The following MYOCD variants were observed in gnomAD, a reference collection of about 807,000 sequenced individuals.
MYOCD encodes the protein myocardin.
MYOCD carries 32 observed loss-of-function variants against 96.1 expected under a neutral mutation model. That is an observed-to-expected ratio of 0.33 (90% CI 0.25 to 0.45). MYOCD has a LOEUF of 0.45. Ranked by LOEUF, MYOCD falls within the 20% of genes least tolerant of loss-of-function variation. The pLI is 1.00. For missense variants in MYOCD, 1,133 were observed against 1,200.6 expected, an observed-to-expected ratio of 0.94 and a Z score of 0.83; for synonymous variants, 469 against 469.0, an observed-to-expected ratio of 1.00 and a Z score of 0.00.
chr17:12,757,959 C>A (rs76515510), intron 11 of MYOCD, 126 bp from the exon 12 acceptor site: 1 of 719,878 alleles, frequency 1.4e-6, no homozygotes, highest in Non-Finnish European at 2.4e-6. Flanking sequence ...ATTTTCTAAG[C>A]CCTGGACTTT....
At chr17:12,697,950 A>C (rs2150665336) in intron 1 of MYOCD, among the ~76,000 whole-genome samples, 1 of 152,274 alleles carries the variant, frequency 6.6e-6, no homozygotes, top group East Asian at 1.9e-4. Context: ...CTAGCCTCAA[A>C]CCATATACCA....
chr17:12,756,628 AG>A, intron 11 of MYOCD, 71 bp downstream of exon 11: 4 of 1,409,572 alleles, frequency 2.8e-6, no homozygotes, highest in Non-Finnish European at 3.8e-6. Context: ...CCCGGGAGGC[AG>A]AAGTTGCAGT....
At chr17:12,751,608 G>C (rs997802746) in intron 9 of MYOCD, among the ~76,000 whole-genome samples, 2 of 152,136 alleles carry the variant, frequency 1.3e-5, no homozygotes, top group Non-Finnish European at 2.9e-5. Flanking sequence ...ACTATTCCAA[G>C]TGCTTTATAC....
Position 12,702,782 on chromosome 17 carries a change from G to A in MYOCD, c.56-2346G>A, listed in dbSNP as rs377093920. On this transcript the variant is annotated intron_variant, in intron 1 of 13. Transcript: ENST00000425538. The stretch of plus-strand genomic sequence containing the variant: ...TAGTTAGTATTATACCACTACATGT[G>A]AAGTATAGAAATTTGGCAGTCATAA... 2.4e-4 allele frequency among the ~76,000 whole-genome samples: 37 copies of A among 151,988 alleles called. No homozygotes were observed. In the South Asian group the frequency reaches 7.5e-3, roughly 31 times the overall value.
intron 1 of MYOCD, among the ~76,000 whole-genome samples, chr17:12,700,019 C>G (rs903303412): frequency 4.0e-5 from 6 of 149,128 alleles, no homozygotes; most frequent in African/African-American, 1.5e-4. Context: ...AGCAATTCTC[C>G]TGCCTCAGCC....
At chr17:12,717,242 T>A (rs1012498560) in intron 3 of MYOCD, 104 bp from the exon 4 acceptor site, 17 of 833,210 alleles carry the variant, frequency 2.0e-5, no homozygotes, top group Non-Finnish European at 3.2e-5. Context: ...CCAAGAATAT[T>A]TTCATGTTTC....
At chr17:12,667,351 G>T (rs1909430548) in intron 1 of MYOCD, among the ~76,000 whole-genome samples, 1 of 152,194 alleles carries the variant, frequency 6.6e-6, no homozygotes, top group South Asian at 2.1e-4. Context: ...CATTGTTGAT[G>T]CAAGTTGAAA....
intron 5 of MYOCD, among the ~76,000 whole-genome samples, chr17:12,726,077 T>A (rs2031990071): frequency 6.6e-6 from 1 of 152,204 alleles, no homozygotes; most frequent in Admixed American, 6.5e-5. Flanking sequence ...TTAGTTGGGA[T>A]AATGCTGGCT....
rs577007089 is a variant in MYOCD at position 12,767,813 on chromosome 17, A to C, written c.*4169A>C. ...AAGATTTGTGTTGATTGCCAGATAC[A>C]GAAGCCCCTTGAAAATAAGGAAAGG... is the stretch of plus-strand genomic sequence containing the variant. On this transcript the variant is annotated 3_prime_UTR_variant, in exon 14 of 14. Transcript: ENST00000425538. The C allele has an allele frequency of 6.6e-6, 1 of 152,344 alleles. No individual in the cohort carries two copies. The highest frequency in any genetic ancestry group is 1.9e-4 in the East Asian group (1 of 5,188). 9.4% of individuals were successfully genotyped at this position (152,344 alleles called of 1,614,324 possible).
At chr17:12,700,649 C>T (rs113671963) in intron 1 of MYOCD, among the ~76,000 whole-genome samples, 2,059 of 151,174 alleles carry the variant, frequency 0.014, 55 homozygotes, top group South Asian at 0.12. Context: ...CTCCTGACCT[C>T]GTGATCCACC....
At chr17:12,670,864 T>A (rs1354812308) in intron 1 of MYOCD, among the ~76,000 whole-genome samples, 1 of 152,192 alleles carries the variant, frequency 6.6e-6, no homozygotes, top group Non-Finnish European at 1.5e-5. Flanking sequence ...AATTTCTACA[T>A]GGAATGTAAA....
intron 8 of MYOCD, among the ~76,000 whole-genome samples, chr17:12,745,553 A>G (rs1357345288): frequency 2.0e-5 from 3 of 152,106 alleles, no homozygotes; most frequent in Non-Finnish European, 4.4e-5. Flanking sequence ...TAAAGTTGAG[A>G]TGTAGATTCC....
chr17:12,742,911 C>T (rs1457669432), intron 7 of MYOCD, among the ~76,000 whole-genome samples: 1 of 152,110 alleles, frequency 6.6e-6, no homozygotes, highest in African/African-American at 2.4e-5. Context: ...AGGATGGACC[C>T]ATTCCTTCCT....
chr17:12,689,010 CGTT>C (rs761749198), intron 1 of MYOCD, among the ~76,000 whole-genome samples: 1 of 152,196 alleles, frequency 6.6e-6, no homozygotes, highest in Non-Finnish European at 1.5e-5. Flanking sequence ...CACACAAACA[CGTT>C]GTTCTTAAAA....
chr17:12,738,969 A>ACACATAAACATATTTATATG (rs2032425674), intron 6 of MYOCD, among the ~76,000 whole-genome samples: 2 of 152,050 alleles, frequency 1.3e-5, no homozygotes, highest in African/African-American at 2.4e-5. Flanking sequence ...ATATGTATAT[A>ACACATAAACATATTTATATG]TGTATATACA....
chr17:12,761,028 C>G, intron 13 of MYOCD: 1 of 241,758 alleles, frequency 4.1e-6, no homozygotes, highest in Non-Finnish European at 8.0e-6. Flanking sequence ...CTCAATGCCC[C>G]TACCTTCTCA....
intron 2 of MYOCD, chr17:12,706,220 C>A (rs903647368): frequency 6.6e-6 from 1 of 152,132 alleles, no homozygotes; most frequent in Non-Finnish European, 1.5e-5. Flanking sequence ...CAGTATGTGA[C>A]CTTAAAGTGG....
chr17:12,722,939 C>A lies in MYOCD; in HGVS notation c.346C>A (p.Pro116Thr), dbSNP rs780489097. The change falls in exon 5 of 14, where the codon CCA becomes ACA. Residue 116 changes from proline (P) to threonine (T), a missense_variant. Pro to Thr is a conservative substitution (Grantham distance 38). Transcript: ENST00000425538. ...TCTCAATGAAAAAATTGCTCTACGA[C>A]CAGGGCCACTGGAGCTGGTGGAAAA... ...DDLNEKIALRPGPLELVEKNI... is the reference protein window; with the variant it reads ...DDLNEKIALRTGPLELVEKNI... 6.2e-7 allele frequency: 1 copy of A among 1,613,922 alleles called. No individual in the cohort carries two copies. Among genetic ancestry groups the A allele is most frequent in the Non-Finnish European group, 8.5e-7 (1 of 1,179,994 alleles).
intron 8 of MYOCD, 98 bp from the exon 9 acceptor site, chr17:12,745,821 C>A: frequency 1.5e-6 from 2 of 1,302,862 alleles, no homozygotes; most frequent in Non-Finnish European, 2.2e-6. Flanking sequence ...TATTACATGC[C>A]TGACCCTTGC....
Sources: allele counts gnomAD v4.1 joint callset (sites outside exome capture counted in the v4.1 genomes callset), GRCh38; gene constraint gnomAD v4.1.1; transcripts MANE v1.5; gene names NCBI Gene and HGNC (gene_info 2026-07-23, HGNC 2026-07-21).